Variants in ABCA7 observed in about 807,000 individuals in gnomAD.
The protein encoded by ABCA7 is ATP binding cassette subfamily A member 7.
ABCA7 carries 261 observed loss-of-function variants against 227.6 expected under a neutral mutation model. The observed-to-expected ratio is 1.15, with a 90% CI of 1.04 to 1.27. The LOEUF (loss-of-function observed/expected upper bound fraction) is 1.27, where lower values mean the gene tolerates loss of function less well. ABCA7 is among the 50% of genes most tolerant of loss of function. The pLI is 0.00. For synonymous variants in ABCA7, 1,488 were observed against 1,279.7 expected (o/e 1.16, Z -3.47); for missense variants, 3,331 against 2,924.5 (o/e 1.14, Z -3.21).
rs1367983812 is a variant in ABCA7, at chr19:1,046,862, C to A, written c.1683C>A (p.Ser561=). 5 of 1,543,778 alleles carry A rather than the reference C, an allele frequency of 3.2e-6. No individual in the cohort carries two copies. In the Admixed American group the frequency reaches 5.9e-5, roughly 18 times the overall value. The change falls in exon 14 of 47, where the codon TCC becomes TCA. Residue 561 remains serine (S), a synonymous_variant. Transcript: ENST00000263094. ...TCCTGACGCTGGCCTGGATCTACTC[C>A]GTGACACTGACAGTGAAGGCCGTGG... ...PLFLTLAWIY[S]VTLTVKAVVR... is the part of the protein sequence containing the mutation.
chr19:1,044,238 C>CT (rs4147941), intron 10 of ABCA7, among the ~76,000 whole-genome samples: 1,644 of 69,664 alleles, frequency 0.024, 71 homozygotes, highest in Non-Finnish European at 0.032. Context: ...CCACGTCCTG[C>CT]TTTTTTTTTT....
Position 1,046,244 on chromosome 19 carries a change from G to T in ABCA7, c.1460G>T (p.Gly487Val). The T allele has an allele frequency of 6.2e-7, 1 of 1,607,042 alleles. No individual in the cohort carries two copies. The stretch of plus-strand genomic sequence containing the variant: ...CCCTCTCGCAGGTTTTGGGACCCTG[G>T]CCCAGCCGCGGACCCCCTGACCGAC... ...NKIRDRFWDP[G>V]PAADPLTDLR... is the part of the protein sequence containing the mutation. Residue 487 changes from glycine (G) to valine (V), a missense_variant, in exon 13 of 47, where the codon GGC (glycine) becomes GTC (valine). Coordinates refer to ENST00000263094, the MANE Select transcript of ABCA7 (RefSeq NM_019112.4).
rs546423930 is a variant in ABCA7, at chr19:1,040,792, G to A, written c.-137-433G>A. Among the ~76,000 whole-genome samples, 6 of 152,308 alleles carry A rather than the reference G, an allele frequency of 3.9e-5. No homozygotes were observed. The South Asian group carries it at 1.2e-3, about 32-fold the overall frequency. On this transcript the variant is annotated intron_variant, in intron 1 of 46. Coordinates refer to ENST00000263094, the MANE Select transcript of ABCA7 (RefSeq NM_019112.4). ...GCTGGGCAACTGCCTGTCTCTCTGG[G>A]TGCCTGGGTTTGCTTTCTTGGGCCT...
rs780793313 is a variant in ABCA7, at chr19:1,056,876, C to G, written c.4587-31C>G. ...CTCTGAGCAACCCATGCACCCTCAC[C>G]CTACAACAGCTCTCATGTCTTCACC... On this transcript the variant is annotated intron_variant, in intron 33 of 46. Coordinates refer to ENST00000263094, the MANE Select transcript of ABCA7 (RefSeq NM_019112.4). The surrounding 1 kb of genome is among the most constrained non-coding windows in gnomAD (Gnocchi z 4.3). 1.2e-6 allele frequency: 2 copies of G among 1,603,540 alleles called. No individual in the cohort carries two copies. The highest frequency in any genetic ancestry group is 3.4e-5 in the Admixed American group (2 of 59,620).
rs1489940964 is a variant in ABCA7 at position 1,056,382 on chromosome 19, C to G, written c.4469C>G (p.Ala1490Gly). Residue 1490 changes from alanine (A) to glycine (G), a missense_variant, in exon 33 of 47, where the codon GCC (alanine) becomes GGC (glycine). Coordinates refer to ENST00000263094, the MANE Select transcript of ABCA7 (RefSeq NM_019112.4). The surrounding 1 kb of genome is among the most constrained non-coding windows in gnomAD (Gnocchi z 4.3). Reference sequence around the variant, plus strand: ...TCCATGGTGGCCTTTGTCAACCGAGCCAGCAACGCAATCCTCCGTGCTCAC... The same window carrying G: ...TCCATGGTGGCCTTTGTCAACCGAGGCAGCAACGCAATCCTCCGTGCTCAC... Reference protein sequence around the residue: ...WHSMVAFVNRASNAILRAHLP... With the variant: ...WHSMVAFVNRGSNAILRAHLP... 3.7e-6 allele frequency: 6 copies of G among 1,613,408 alleles called. No homozygotes were observed. The highest frequency in any genetic ancestry group is 5.1e-6 in the Non-Finnish European group (6 of 1,179,984).
chr19:1,053,018 C>G (rs1013710669), intron 23 of ABCA7, among the ~76,000 whole-genome samples: 2 of 152,112 alleles, frequency 1.3e-5, no homozygotes, highest in African/African-American at 4.8e-5. Flanking sequence ...CTCAGCCTCT[C>G]GAGTAACTGG....
intron 1 of ABCA7, 47 bp from the exon 2 acceptor site, chr19:1,041,178 G>A: frequency 1.5e-6 from 1 of 662,728 alleles, no homozygotes; most frequent in Non-Finnish European, 2.7e-6. Flanking sequence ...CCCTGGGGTA[G>A]CGGAGCCTCT....
Position 1,052,261 on chromosome 19 carries a change from G to T in ABCA7, c.3195G>T (p.Lys1065Asn). ...EGSVDTRQEK[K>N]NGSQGSRVGT... ...GTGTGGACACCAGGCAGGAAAAGAA[G>T]AATGGCAGCCAGGGCAGCAGAGTCG... is the stretch of plus-strand genomic sequence containing the variant. Residue 1065 changes from lysine to asparagine, a missense_variant, in exon 23 of 47, where the codon AAG becomes AAT. Transcript: ENST00000263094. The T allele has an allele frequency of 6.5e-7, 1 of 1,548,132 alleles. No homozygotes were observed. The highest frequency in any genetic ancestry group is 8.7e-7 in the Non-Finnish European group (1 of 1,147,920).
At position 1,047,473 on chromosome 19, in the gene ABCA7, C is replaced by T. The variant is rs2040820355; in HGVS notation, c.2088C>T (p.Ala696=). Residue 696 remains alanine, a synonymous_variant, in exon 16 of 47, where the codon GCC becomes GCT. Transcript: ENST00000263094. ...RVAASLLSPV[A]FGFGCESLAL... is the part of the protein sequence containing the mutation. The stretch of plus-strand genomic sequence containing the variant: ...CGCAGAGCCTGCTGTCGCCCGTGGC[C>T]TTCGGCTTCGGCTGCGAGAGCCTGG... 6.4e-7 allele frequency: 1 copy of T among 1,558,256 alleles called. No homozygotes were observed. Among genetic ancestry groups the T allele is most frequent in the African/African-American group, 1.4e-5 (1 of 74,048 alleles).
chr19:1,044,878 A>AG, intron 11 of ABCA7, 124 bp from the exon 12 acceptor site: 1 of 1,465,228 alleles, frequency 6.8e-7, no homozygotes, highest in Non-Finnish European at 9.1e-7. Context: ...AGATCTCAGG[A>AG]GGGAGCCGGC....
At position 1,042,410 on chromosome 19, in the gene ABCA7, GGCGGGACCGC is replaced by G. The variant is rs2040142413; in HGVS notation, c.498+16_498+25del. The G allele has an allele frequency of 6.2e-7, 1 of 1,610,850 alleles. No homozygotes were observed. On this transcript the variant is annotated intron_variant, in intron 6 of 46. Coordinates refer to ENST00000263094, the MANE Select transcript of ABCA7 (RefSeq NM_019112.4). ...ACTGCTGCGCACGGTAGGGTGTCGG[GGCGGGACCGC>G]GCTGACTTCCTGGGACACTGCACTG...
In ABCA7 at chr19:1,055,916, T is replaced by A. The variant is rs754494728; in HGVS notation, c.4215T>A (p.Thr1405=). 13 of 1,594,790 alleles carry A rather than the reference T, an allele frequency of 8.2e-6. No individual in the cohort carries two copies. The highest frequency in any genetic ancestry group is 1.0e-5 in the Non-Finnish European group (12 of 1,169,688). Residue 1405 remains threonine, a synonymous_variant, in exon 31 of 47, where the codon ACT becomes ACA. Transcript: ENST00000263094. ...TCCATCTCTCCCACAGCCTGAAGACTAAGAAGTGGGTGAATGAGGTCAGGT... is the reference window on the plus strand; with the variant it reads ...TCCATCTCTCCCACAGCCTGAAGACAAAGAAGTGGGTGAATGAGGTCAGGT... ...YPRLVRQGLK[T]KKWVNEVRYG... is the part of the protein sequence containing the mutation.
Position 1,062,225 on chromosome 19 carries a change from C to A in ABCA7, c.5624C>A (p.Ser1875Tyr), listed in dbSNP as rs1360341680. ...CTCAGCATGGGATACTGCCCTCAAT[C>A]CGATGCCATCTTTGAGCTGCTGACG... Reference protein sequence around the residue: ...AHLSMGYCPQSDAIFELLTGR... With the variant: ...AHLSMGYCPQYDAIFELLTGR... The change falls in exon 42 of 47, where the codon TCC becomes TAC. Residue 1875 changes from serine (S) to tyrosine (Y), a missense_variant. By Grantham distance (144) the Ser-to-Tyr change is moderately radical. Coordinates refer to ENST00000263094, the MANE Select transcript of ABCA7 (RefSeq NM_019112.4). 1 of 1,612,450 alleles carries A rather than the reference C, an allele frequency of 6.2e-7. No homozygotes were observed. Among genetic ancestry groups the A allele is most frequent in the South Asian group, 1.1e-5 (1 of 91,090 alleles).
chr19:1,060,985 C>A (rs915757803), intron 40 of ABCA7, among the ~76,000 whole-genome samples: 2 of 152,202 alleles, frequency 1.3e-5, no homozygotes, highest in Non-Finnish European at 2.9e-5. Flanking sequence ...AGGGTACCCA[C>A]TGTGTGCCAA....
Position 1,053,476 on chromosome 19 carries a change from G to GCTAGACA in ABCA7, c.3368_3369insCTAGACA (p.Leu1124Ter). ...ACACTCTTCCGAGAGCTAGACACGC[G>GCTAGACA]GCTGGCGGAGCTGAGGCTCACTGGC... On this transcript the variant is annotated stop_gained and frameshift_variant, in exon 24 of 47. Coordinates refer to ENST00000263094, the MANE Select transcript of ABCA7 (RefSeq NM_019112.4). LOFTEE classifies it high-confidence loss of function. 1 of 1,590,564 alleles carries GCTAGACA rather than the reference G, an allele frequency of 6.3e-7. No homozygotes were observed. Among genetic ancestry groups the GCTAGACA allele is most frequent in the Non-Finnish European group, 8.5e-7 (1 of 1,171,520 alleles).
At chr19:1,043,936 A>AAT in intron 10 of ABCA7, 95 bp downstream of exon 10, 15 of 841,338 alleles carry the variant, frequency 1.8e-5, no homozygotes, top group South Asian at 5.6e-5. Flanking sequence ...GCAGACCCCC[A>AAT]CTTTTTTTTT....
intron 17 of ABCA7, 96 bp downstream of exon 17, chr19:1,049,101 AC>A (rs2041093320): frequency 2.1e-6 from 2 of 975,290 alleles, no homozygotes; most frequent in South Asian, 3.2e-5. Flanking sequence ...TGACCTGGAC[AC>A]CCCAACCCTC....
chr19:1,047,670 C>T lies in ABCA7; in HGVS notation c.2269+16C>T, dbSNP rs1218348066. The T allele has an allele frequency of 7.0e-6, 11 of 1,571,200 alleles. No individual in the cohort carries two copies. In the East Asian group the frequency reaches 9.2e-5, roughly 13 times the overall value. On this transcript the variant is annotated intron_variant, in intron 16 of 46. Coordinates refer to ENST00000263094, the MANE Select transcript of ABCA7 (RefSeq NM_019112.4). ...GTGTGCCCAGGTGGGCCGTAGGGGG[C>T]GGGGCTCCGGGCCGGGTCGCACCTG...
intron 23 of ABCA7, among the ~76,000 whole-genome samples, chr19:1,052,896 A>G (rs1441707530): frequency 2.6e-5 from 4 of 151,966 alleles, no homozygotes; most frequent in Admixed American, 6.6e-5. Flanking sequence ...ACTGCCCTCA[A>G]GATCTCTTTT....
Sources: allele counts gnomAD v4.1 joint callset (sites outside exome capture counted in the v4.1 genomes callset), GRCh38; gene constraint gnomAD v4.1.1; non-coding constraint Gnocchi (gnomAD v3.1); transcripts MANE v1.5; gene names NCBI Gene and HGNC (gene_info 2026-07-23, HGNC 2026-07-21).